The following SERPINB10 variants were observed in gnomAD, a reference collection of about 807,000 sequenced individuals.
The protein encoded by SERPINB10 is serpin family B member 10.
A neutral mutation model predicts 39.1 loss-of-function variants in SERPINB10; 35 were observed. The observed-to-expected ratio is 0.90, with a 90% CI of 0.68 to 1.19. SERPINB10 has a LOEUF of 1.19. Ranked by LOEUF, SERPINB10 falls within the 50% of genes most tolerant of loss-of-function variation. The pLI, the probability that SERPINB10 is intolerant of heterozygous loss-of-function variation, is 0.00. For missense variants in SERPINB10, 546 were observed against 460.5 expected (o/e 1.19, Z -1.70); for synonymous variants, 190 against 158.1 (o/e 1.20, Z -1.52).
chr18:63,925,114 G>T (rs1157875507), intron 5 of SERPINB10, among the ~76,000 whole-genome samples: 5 of 151,894 alleles, frequency 3.3e-5, no homozygotes, highest in Non-Finnish European at 5.9e-5. Flanking sequence ...ATGAGAGCCA[G>T]GAAAGAAATT....
chr18:63,933,049 C>T lies in SERPINB10; in HGVS notation c.635C>T (p.Thr212Ile), dbSNP rs1381234749. 2.5e-6 allele frequency: 4 copies of T among 1,610,076 alleles called. No individual in the cohort carries two copies. The Admixed American group carries it at 6.8e-5, about 27-fold the overall frequency. The change falls in exon 7 of 8, where the codon ACT (threonine) becomes ATT (isoleucine). Residue 212 changes from threonine to isoleucine, a missense_variant and splice_region_variant. Coordinates refer to ENST00000238508, the MANE Select transcript of SERPINB10 (RefSeq NM_005024.3). ...TTTTTGTTTTTTTGTTTTTTTTAGA[C>T]TACAAGCAAACCAGTGCAAATGATG... ...TTEKPFRINE[T>I]TSKPVQMMFM... is the part of the protein sequence containing the mutation.
chr18:63,918,375 G>A (rs1413156470), intron 4 of SERPINB10, among the ~76,000 whole-genome samples: 2 of 152,040 alleles, frequency 1.3e-5, no homozygotes, highest in African/African-American at 4.8e-5. Context: ...GACTTGGCTG[G>A]AGACTGTCTA....
At chr18:63,915,839 T>C (rs17072102) in intron 2 of SERPINB10, among the ~76,000 whole-genome samples, 161 bp downstream of exon 2, 39,564 of 151,904 alleles carry the variant, frequency 0.26, 5,807 homozygotes, top group African/African-American at 0.39. Context: ...AAAACAAATC[T>C]TGGTAAAGAG....
chr18:63,923,814 T>C (rs1261940750), intron 5 of SERPINB10, among the ~76,000 whole-genome samples: 4 of 151,954 alleles, frequency 2.6e-5, no homozygotes, highest in African/African-American at 9.7e-5. Flanking sequence ...TCCATTTATA[T>C]TTACTTTTCA....
At position 63,935,123 on chromosome 18, in the gene SERPINB10, A is replaced by G. The variant is rs780662459; in HGVS notation, c.1075A>G (p.Ile359Val). The change falls in exon 8 of 8, where the codon ATA becomes GTA. Residue 359 changes from isoleucine to valine, a missense_variant. Coordinates refer to ENST00000238508, the MANE Select transcript of SERPINB10 (RefSeq NM_005024.3). ...AGCTGCAGCTGGCAGTGGGAGTGAGATAGATATACGAATTAGAGTCCCATC... is the reference window on the plus strand; with the variant it reads ...AGCTGCAGCTGGCAGTGGGAGTGAGGTAGATATACGAATTAGAGTCCCATC... ...TEAAAGSGSE[I>V]DIRIRVPSIE... 6.2e-7 allele frequency: 1 copy of G among 1,613,874 alleles called. No individual in the cohort carries two copies. Among genetic ancestry groups the G allele is most frequent in the South Asian group, 1.1e-5 (1 of 91,088 alleles).
chr18:63,910,876 A>C (rs571190859), intron 1 of SERPINB10, among the ~76,000 whole-genome samples: 1 of 152,104 alleles, frequency 6.6e-6, no homozygotes, highest in Non-Finnish European at 1.5e-5. Flanking sequence ...GGAAATCTCC[A>C]ATCTGCTTTC....
chr18:63,935,228 T>C lies in SERPINB10; in HGVS notation c.1180T>C (p.Leu394=). Residue 394 remains leucine (L), a synonymous_variant, in exon 8 of 8, where the codon TTA becomes CTA. Transcript: ENST00000238508. ...CAACACCATTCTTTTTTATGGAAGATTATGCTCCCCCTAAATCCTGCATAT... is the reference window on the plus strand; with the variant it reads ...CAACACCATTCTTTTTTATGGAAGACTATGCTCCCCCTAAATCCTGCATAT... The part of the protein sequence containing the change: ...KTNTILFYGR[L]CSP The C allele has an allele frequency of 6.3e-7, 1 of 1,590,342 alleles. No individual in the cohort carries two copies. Among genetic ancestry groups the C allele is most frequent in the Non-Finnish European group, 8.6e-7 (1 of 1,169,226 alleles).
intron 5 of SERPINB10, among the ~76,000 whole-genome samples, chr18:63,923,524 C>G (rs1401819007): frequency 6.6e-6 from 1 of 151,912 alleles, no homozygotes; most frequent in Non-Finnish European, 1.5e-5. Context: ...AACCTGCACC[C>G]TGAACCTTCC....
chr18:63,917,534 C>G lies in SERPINB10; in HGVS notation c.234+13C>G. On this transcript the variant is annotated intron_variant, in intron 3 of 7. Transcript: ENST00000238508. ...AAAAAGGAAAATGGTATATCTTATC[C>G]TTTAATATATATTTCATAATTAAGG... is the stretch of plus-strand genomic sequence containing the variant. The G allele has an allele frequency of 1.1e-5, 15 of 1,413,130 alleles. No homozygotes were observed. The highest frequency in any genetic ancestry group is 1.4e-5 in the Non-Finnish European group (15 of 1,035,930). The allele number at this position is 1,413,130 out of a possible 1,614,324, so 87.5% of individuals were successfully genotyped here. A position where few individuals can be genotyped will look rare whatever the true frequency, so the allele number is the denominator to read the frequency against.
intron 6 of SERPINB10, among the ~76,000 whole-genome samples, chr18:63,931,708 T>C (rs2050223469): frequency 6.6e-6 from 1 of 152,202 alleles, no homozygotes; most frequent in African/African-American, 2.4e-5. Context: ...ATTATTAACA[T>C]CTTACATTAG....
intron 1 of SERPINB10, among the ~76,000 whole-genome samples, chr18:63,910,173 C>T (rs956520331): frequency 2.0e-5 from 3 of 151,974 alleles, no homozygotes; most frequent in Non-Finnish European, 4.4e-5. Flanking sequence ...GAATTCCTGA[C>T]GTTTTCCAAA....
chr18:63,918,712 C>T (rs1230636900), intron 4 of SERPINB10, among the ~76,000 whole-genome samples: 1 of 151,984 alleles, frequency 6.6e-6, no homozygotes, highest in East Asian at 1.9e-4. Context: ...GCAATGCTAT[C>T]TCTGTTCAAA....
rs745770376 is a variant in SERPINB10 at position 63,930,039 on chromosome 18, T to C, written c.491-6T>C. 28 of 1,612,884 alleles carry C rather than the reference T, an allele frequency of 1.7e-5. No individual in the cohort carries two copies. The highest frequency in any genetic ancestry group is 2.2e-5 in the East Asian group (1 of 44,858). ...GTCATTTGCAACCTGCCTTTTGTTC[T>C]TACAGGTAAAATCCAGAATCTCCTG... On this transcript the variant is annotated splice_region_variant and splice_polypyrimidine_tract_variant and intron_variant, in intron 5 of 7. Transcript: ENST00000238508.
Position 63,935,673 on chromosome 18 carries a change from G to A in SERPINB10, c.*431G>A, listed in dbSNP as rs1011573289. 1 of 158,038 alleles carries A rather than the reference G, an allele frequency of 6.3e-6. No homozygotes were observed. The highest frequency in any genetic ancestry group is 1.4e-5 in the Non-Finnish European group (1 of 71,932). The allele number at this position is 158,038 out of a possible 1,614,324, so 9.8% of individuals were successfully genotyped here. A position where few individuals can be genotyped will look rare whatever the true frequency, so the allele number is the denominator to read the frequency against. ...TTTGATCAAAAATTTAGCCCGGCAT[G>A]GTGGTGCACACCTGTGTTCCCAGCT... On this transcript the variant is annotated 3_prime_UTR_variant, in exon 8 of 8. Transcript: ENST00000238508.
chr18:63,935,354 A>C lies in SERPINB10; in HGVS notation c.*112A>C. On this transcript the variant is annotated 3_prime_UTR_variant, in exon 8 of 8. Coordinates refer to ENST00000238508, the MANE Select transcript of SERPINB10 (RefSeq NM_005024.3). Reference sequence around the variant, plus strand: ...AGTTTGTAGTCTAAACCTTTTTCACATTTGAATATAAGTAAATAGATCTTG... The same window carrying C: ...AGTTTGTAGTCTAAACCTTTTTCACCTTTGAATATAAGTAAATAGATCTTG... 1 of 1,039,662 alleles carries C rather than the reference A, an allele frequency of 9.6e-7. No homozygotes were observed. The highest frequency in any genetic ancestry group is 2.4e-5 in the Admixed American group (1 of 41,090). 64.4% of individuals were successfully genotyped at this position (1,039,662 alleles called of 1,614,324 possible).
chr18:63,935,100 C>A lies in SERPINB10; in HGVS notation c.1052C>A (p.Ala351Asp), dbSNP rs765871217. 6.2e-7 allele frequency: 1 copy of A among 1,614,092 alleles called. No homozygotes were observed. Among genetic ancestry groups the A allele is most frequent in the Admixed American group, 1.7e-5 (1 of 60,026 alleles). ...FVEINEQGTE[A>D]AAGSGSEIDI... Reference sequence around the variant, plus strand: ...GAAATAAATGAACAAGGTACTGAAGCTGCAGCTGGCAGTGGGAGTGAGATA... The same window carrying A: ...GAAATAAATGAACAAGGTACTGAAGATGCAGCTGGCAGTGGGAGTGAGATA... Residue 351 changes from alanine (A) to aspartate (D), a missense_variant, in exon 8 of 8, where the codon GCT (alanine) becomes GAT (aspartate). Coordinates refer to ENST00000238508, the MANE Select transcript of SERPINB10 (RefSeq NM_005024.3).
At position 63,908,004 on chromosome 18, in the gene SERPINB10, G is replaced by A; in HGVS notation, c.-46G>A. ...TCAGCCACAATCTCTTACTACAGGA[G>A]CAAATTGCCAATTCTGCTCCAGTGG... is the stretch of plus-strand genomic sequence containing the variant. On this transcript the variant is annotated 5_prime_UTR_variant, in exon 1 of 8. Coordinates refer to ENST00000238508, the MANE Select transcript of SERPINB10 (RefSeq NM_005024.3). 1 of 347,756 alleles carries A rather than the reference G, an allele frequency of 2.9e-6. No homozygotes were observed. Among genetic ancestry groups the A allele is most frequent in the Non-Finnish European group, 5.9e-6 (1 of 168,538 alleles). The allele number at this position is 347,756 out of a possible 1,614,324, so 21.5% of individuals were successfully genotyped here. A position where few individuals can be genotyped will look rare whatever the true frequency, so the allele number is the denominator to read the frequency against.
At chr18:63,934,146 T>G (rs913626187) in intron 7 of SERPINB10, among the ~76,000 whole-genome samples, 3 of 152,186 alleles carry the variant, frequency 2.0e-5, no homozygotes. Flanking sequence ...AGAAGATGCA[T>G]GTGCATTGAA....
chr18:63,912,977 G>A (rs1377610809), intron 1 of SERPINB10, among the ~76,000 whole-genome samples: 1 of 151,780 alleles, frequency 6.6e-6, no homozygotes, highest in African/African-American at 2.4e-5. Flanking sequence ...TCTGTTCATG[G>A]TCTCAATATT....
Sources: allele counts gnomAD v4.1 joint callset (sites outside exome capture counted in the v4.1 genomes callset), GRCh38; gene constraint gnomAD v4.1.1; transcripts MANE v1.5; gene names NCBI Gene and HGNC (gene_info 2026-07-23, HGNC 2026-07-21).